UBALD2: variants seen among roughly 807,000 people sequenced by gnomAD.
UBALD2 encodes UBA like domain containing 2.
In UBALD2, 8 loss-of-function variants were observed where a neutral mutation model predicts 15.9. The observed-to-expected ratio is 0.50, with a 90% CI of 0.29 to 0.91. The LOEUF (loss-of-function observed/expected upper bound fraction) is 0.91. Among genes scored for constraint, UBALD2 ranks in the 40% least tolerant of loss-of-function variants. The probability of loss-of-function intolerance (pLI) is 0.07; values close to 1 mark genes in which losing one functional copy is unlikely to be tolerated. For synonymous variants in UBALD2, 113 were observed against 97.7 expected (o/e 1.16, Z -0.93); for missense variants, 178 against 234.8 (o/e 0.76, Z 1.58).
In UBALD2 at chr17:76,270,457, G is replaced by T. The variant is rs1245046089; in HGVS notation, c.447G>T (p.Gln149His). 2 of 1,489,644 alleles carry T rather than the reference G, an allele frequency of 1.3e-6. No homozygotes were observed. Among genetic ancestry groups the T allele is most frequent in the African/African-American group, 1.4e-5 (1 of 70,260 alleles). The allele number at this position is 1,489,644 out of a possible 1,614,324, so 92.3% of individuals were successfully genotyped here. Residue 149 changes from glutamine (Q) to histidine (H), a missense_variant, in exon 3 of 3, where the codon CAG becomes CAT. By Grantham distance (24) the Gln-to-His change is conservative. Coordinates refer to ENST00000327490, the MANE Select transcript of UBALD2 (RefSeq NM_182565.4). ...PQPTWPPGAQ[Q>H]GGAQQKAMAA... ...CCACGTGGCCCCCAGGAGCACAGCA[G>T]GGGGGCGCCCAGCAGAAAGCCATGG...
rs1004667175 is a variant in UBALD2, at chr17:76,270,614, A to G, written c.*109A>G. The G allele has an allele frequency of 6.6e-6, 7 of 1,054,300 alleles. No individual in the cohort carries two copies. The highest frequency in any genetic ancestry group is 7.4e-5 in the Admixed American group (2 of 26,948). The allele number at this position is 1,054,300 out of a possible 1,614,324, so 65.3% of individuals were successfully genotyped here. A position where few individuals can be genotyped will look rare whatever the true frequency, so the allele number is the denominator to read the frequency against. The stretch of plus-strand genomic sequence containing the variant: ...GGGGAGGGCAGGGGGTTTCCCGAAG[A>G]TCGCACTGGAAGATTTTATAAAAGA... On this transcript the variant is annotated 3_prime_UTR_variant, in exon 3 of 3. Coordinates refer to ENST00000327490, the MANE Select transcript of UBALD2 (RefSeq NM_182565.4).
intron 2 of UBALD2, 84 bp downstream of exon 2, chr17:76,266,053 C>G (rs2070543085): frequency 6.8e-7 from 1 of 1,470,484 alleles, no homozygotes; most frequent in Admixed American, 2.1e-5. Flanking sequence ...CGCCGCGCCG[C>G]GAATGTAAAC....
chr17:76,270,107 T>A (rs2070574473), intron 2 of UBALD2, 87 bp from the exon 3 acceptor site: 1 of 1,381,638 alleles, frequency 7.2e-7, no homozygotes, highest in African/African-American at 1.5e-5. Flanking sequence ...AAAATGGGAG[T>A]AAAGGAGCGG....
chr17:76,269,026 C>T lies in UBALD2; in HGVS notation c.184-1168C>T, dbSNP rs922346245. 6.6e-6 allele frequency among the ~76,000 whole-genome samples: 1 copy of T among 152,150 alleles called. No individual in the cohort carries two copies. The highest frequency in any genetic ancestry group is 2.4e-5 in the African/African-American group (1 of 41,414). Reference sequence around the variant, plus strand: ...CTGGGATTACAGACGTGAGCCACTGCGCCCTGCCAAAGCTCCCTCTTTCAA... The same window carrying T: ...CTGGGATTACAGACGTGAGCCACTGTGCCCTGCCAAAGCTCCCTCTTTCAA... On this transcript the variant is annotated intron_variant, in intron 2 of 2. Transcript: ENST00000327490. The surrounding 1 kb of genome is among the most constrained non-coding windows in gnomAD (Gnocchi z 4.6).
In UBALD2 at chr17:76,269,301, G is replaced by T. The variant is rs1481516831; in HGVS notation, c.184-893G>T. 1.3e-5 allele frequency among the ~76,000 whole-genome samples: 2 copies of T among 152,142 alleles called. No individual in the cohort carries two copies. The highest frequency in any genetic ancestry group is 2.9e-5 in the Non-Finnish European group (2 of 68,024). The stretch of plus-strand genomic sequence containing the variant: ...GGTAGTGACAGAAGACAGCAGATGG[G>T]GGACTGTAGCTACCCCCAGGAAGAG... On this transcript the variant is annotated intron_variant, in intron 2 of 2. Coordinates refer to ENST00000327490, the MANE Select transcript of UBALD2 (RefSeq NM_182565.4). This position sits in a 1 kb window ranked among gnomAD's most constrained non-coding sequence, Gnocchi z 4.6.
chr17:76,266,020 G>A (rs1207600774), intron 2 of UBALD2, 51 bp downstream of exon 2: 1 of 1,529,444 alleles, frequency 6.5e-7, no homozygotes, highest in Non-Finnish European at 8.8e-7. Flanking sequence ...CAGCGCGGCG[G>A]TGACAGCCAT....
At chr17:76,265,705 TGTC>T (rs2070539581) in intron 1 of UBALD2, 80 bp downstream of exon 1, 1 of 1,247,656 alleles carries the variant, frequency 8.0e-7, no homozygotes, top group Admixed American at 4.5e-5. Context: ...GCGCTCCTGT[TGTC>T]GGCCCGGAAG....
In UBALD2 at chr17:76,270,589, G is replaced by A. The variant is rs1445620038; in HGVS notation, c.*84G>A. ...CAGGAGGGCCAGGGAGGGGGGAGCCGGGGAGGGCAGGGGGTTTCCCGAAGA... is the reference window on the plus strand; with the variant it reads ...CAGGAGGGCCAGGGAGGGGGGAGCCAGGGAGGGCAGGGGGTTTCCCGAAGA... On this transcript the variant is annotated 3_prime_UTR_variant, in exon 3 of 3. Transcript: ENST00000327490. 20 of 1,202,452 alleles carry A rather than the reference G, an allele frequency of 1.7e-5. No homozygotes were observed. The Admixed American group carries it at 4.8e-4, about 29-fold the overall frequency. 74.5% of individuals were successfully genotyped at this position (1,202,452 alleles called of 1,614,324 possible).
chr17:76,270,676 C>T lies in UBALD2; in HGVS notation c.*171C>T, dbSNP rs1399599124. Reference sequence around the variant, plus strand: ...TCGGGGGGACAGTAAACTTCCTGGGCCACGTGGGTCCTTCAGGAGTTTTTC... The same window carrying T: ...TCGGGGGGACAGTAAACTTCCTGGGTCACGTGGGTCCTTCAGGAGTTTTTC... On this transcript the variant is annotated 3_prime_UTR_variant, in exon 3 of 3. Coordinates refer to ENST00000327490, the MANE Select transcript of UBALD2 (RefSeq NM_182565.4). 1.3e-5 allele frequency: 7 copies of T among 547,526 alleles called. No homozygotes were observed. The highest frequency in any genetic ancestry group is 3.4e-5 in the East Asian group (1 of 29,412). 33.9% of individuals were successfully genotyped at this position (547,526 alleles called of 1,614,324 possible). A position where few individuals can be genotyped will look rare whatever the true frequency, so the allele number is the denominator to read the frequency against.
In UBALD2 at chr17:76,265,576, C is replaced by A. The variant is rs1407939983; in HGVS notation, c.71C>A (p.Ala24Glu). Residue 24 changes from alanine to glutamate, a missense_variant, in exon 1 of 3, where the codon GCG becomes GAG. Transcript: ENST00000327490. Reference protein sequence around the residue: ...INQFVLAAGCAADQAKQLLQA... With the variant: ...INQFVLAAGCEADQAKQLLQA... ...CAGTTCGTGCTGGCCGCGGGCTGCG[C>A]GGCCGACCAGGCGAAGCAGTTGCTG... 1 of 1,337,764 alleles carries A rather than the reference C, an allele frequency of 7.5e-7. No homozygotes were observed. The highest frequency in any genetic ancestry group is 9.8e-7 in the Non-Finnish European group (1 of 1,020,762). The allele number at this position is 1,337,764 out of a possible 1,614,324, so 82.9% of individuals were successfully genotyped here.
Position 76,270,520 on chromosome 17 carries a change from G to T in UBALD2, c.*15G>T. 1 of 1,436,992 alleles carries T rather than the reference G, an allele frequency of 7.0e-7. No homozygotes were observed. The highest frequency in any genetic ancestry group is 2.9e-5 in the Admixed American group (1 of 33,950). 89.0% of individuals were successfully genotyped at this position (1,436,992 alleles called of 1,614,324 possible). A position where few individuals can be genotyped will look rare whatever the true frequency, so the allele number is the denominator to read the frequency against. On this transcript the variant is annotated 3_prime_UTR_variant, in exon 3 of 3. Coordinates refer to ENST00000327490, the MANE Select transcript of UBALD2 (RefSeq NM_182565.4). ...GCCAGAGATGAGACTGGACGCCGCC[G>T]GGCGCTGGGCTGGAGCTGGGGGCAG... is the stretch of plus-strand genomic sequence containing the variant.
At position 76,265,975 on chromosome 17, in the gene UBALD2, C is replaced by A. The variant is rs990956571; in HGVS notation, c.183+6C>A. On this transcript the variant is annotated splice_donor_region_variant and intron_variant, in intron 2 of 2. Coordinates refer to ENST00000327490, the MANE Select transcript of UBALD2 (RefSeq NM_182565.4). The stretch of plus-strand genomic sequence containing the variant: ...GCCACCACCACCACCAGATGGTAAG[C>A]GGCGGCGGGCAGGGGCGCGGGCCGG... 2 of 1,571,892 alleles carry A rather than the reference C, an allele frequency of 1.3e-6. No homozygotes were observed. The highest frequency in any genetic ancestry group is 2.7e-5 in the African/African-American group (2 of 73,670).
Position 76,270,575 on chromosome 17 carries a change from G to C in UBALD2, c.*70G>C. 7.6e-7 allele frequency: 1 copy of C among 1,318,672 alleles called. No individual in the cohort carries two copies. The highest frequency in any genetic ancestry group is 9.8e-7 in the Non-Finnish European group (1 of 1,018,938). 81.7% of individuals were successfully genotyped at this position (1,318,672 alleles called of 1,614,324 possible). On this transcript the variant is annotated 3_prime_UTR_variant, in exon 3 of 3. Coordinates refer to ENST00000327490, the MANE Select transcript of UBALD2 (RefSeq NM_182565.4). ...GGGTTGTGGGGACACAGGAGGGCCAGGGAGGGGGGAGCCGGGGAGGGCAGG... is the reference window on the plus strand; with the variant it reads ...GGGTTGTGGGGACACAGGAGGGCCACGGAGGGGGGAGCCGGGGAGGGCAGG...
At chr17:76,265,990 G>T (rs866081950) in intron 2 of UBALD2, 21 bp downstream of exon 2, 18 of 1,557,146 alleles carry the variant, frequency 1.2e-5, no homozygotes, top group Middle Eastern at 3.3e-4. Flanking sequence ...GCGGGCAGGG[G>T]CGCGGGCCGG....
At chr17:76,268,405 G>C (rs532207591) in intron 2 of UBALD2, among the ~76,000 whole-genome samples, 2 of 152,066 alleles carry the variant, frequency 1.3e-5, no homozygotes, top group Non-Finnish European at 2.9e-5. Context: ...TGGGGAAGTC[G>C]GTCACGATGC....
chr17:76,268,488 T>TC (rs2070561413), intron 2 of UBALD2, among the ~76,000 whole-genome samples: 1 of 129,432 alleles, frequency 7.7e-6, no homozygotes, highest in Non-Finnish European at 1.7e-5. Flanking sequence ...CCCCAGAGGG[T>TC]GGGGGGGGGG....
Position 76,270,384 on chromosome 17 carries a change from T to TGGC in UBALD2, c.374_375insGGC (p.Ile125delinsMetAla). The TGGC allele has an allele frequency of 9.3e-6, 14 of 1,503,840 alleles. No individual in the cohort carries two copies. The highest frequency in any genetic ancestry group is 1.3e-5 in the Non-Finnish European group (14 of 1,115,392). The allele number at this position is 1,503,840 out of a possible 1,614,324, so 93.2% of individuals were successfully genotyped here. On this transcript the variant is annotated protein_altering_variant, in exon 3 of 3. Transcript: ENST00000327490. ...CCGCCCAGCCACCAGGCGCCCTGGATCCCGCCCTCCTCCCCCACCACCTTC... is the reference window on the plus strand; with the variant it reads ...CCGCCCAGCCACCAGGCGCCCTGGATGGCCCCGCCCTCCTCCCCCACCACCTTC...
At chr17:76,267,949 G>A (rs2070557207) in intron 2 of UBALD2, among the ~76,000 whole-genome samples, 2 of 152,214 alleles carry the variant, frequency 1.3e-5, no homozygotes, top group African/African-American at 4.8e-5. Context: ...GTGAGCCACT[G>A]CACCCGGCCT....
rs548163667 is a variant in UBALD2, at chr17:76,269,070, C to T, written c.184-1124C>T. On this transcript the variant is annotated intron_variant, in intron 2 of 2. Transcript: ENST00000327490. This position sits in a 1 kb window ranked among gnomAD's most constrained non-coding sequence, Gnocchi z 4.6. ...CTTTCAAGGTGAAGAGCCCTCAAGT[C>T]GTTCCCCCAACTCCTGCGCCTGGGG... Among the ~76,000 whole-genome samples the T allele has an allele frequency of 3.9e-5, 6 of 152,242 alleles. No homozygotes were observed. The highest frequency in any genetic ancestry group is 1.9e-4 in the East Asian group (1 of 5,174).
Sources: allele counts gnomAD v4.1 joint callset (sites outside exome capture counted in the v4.1 genomes callset), GRCh38; gene constraint gnomAD v4.1.1; non-coding constraint Gnocchi (gnomAD v3.1); transcripts MANE v1.5; gene names NCBI Gene and HGNC (gene_info 2026-07-23, HGNC 2026-07-21).